The following SLCO1B3 variants were observed in gnomAD, a reference collection of about 807,000 sequenced individuals.
SLCO1B3 encodes the protein solute carrier organic anion transporter family member 1B3.
A neutral mutation model predicts 71.8 loss-of-function variants in SLCO1B3; 72 were observed. That is an observed-to-expected ratio of 1.00 (90% CI 0.83 to 1.22). The LOEUF (loss-of-function observed/expected upper bound fraction) is 1.22. Ranked by LOEUF, SLCO1B3 falls within the 50% of genes most tolerant of loss-of-function variation. SLCO1B3 has a pLI of 0.00. For synonymous variants in SLCO1B3, 298 were observed against 278.4 expected (o/e 1.07, Z -0.70); for missense variants, 911 against 819.7 (o/e 1.11, Z -1.36).
At chr12:20,884,009 A>G (rs1306204694) in intron 13 of SLCO1B3, among the ~76,000 whole-genome samples, 1 of 152,196 alleles carries the variant, frequency 6.6e-6, no homozygotes, top group African/African-American at 2.4e-5. Flanking sequence ...ACAAACTTCA[A>G]TTTGTAATGA....
At chr12:20,875,840 C>G (rs4149128) in intron 9 of SLCO1B3, among the ~76,000 whole-genome samples, 100,295 of 151,700 alleles carry the variant, frequency 0.66, 36,357 homozygotes, top group South Asian at 0.84. Context: ...TACCAGCCAT[C>G]ATACTATTCT....
Position 20,877,810 on chromosome 12 carries a change from C to A in SLCO1B3, c.1009C>A (p.Leu337Met). The A allele has an allele frequency of 6.4e-7, 1 of 1,554,938 alleles. No homozygotes were observed. Among genetic ancestry groups the A allele is most frequent in the South Asian group, 1.2e-5 (1 of 80,262 alleles). The part of the protein sequence containing the change: ...QSLKSILTNP[L>M]YVIFLLLTLL... ...TTTGAAAAGCATCCTTACCAATCCC[C>A]TGTATGTTATATTTCTGCTTTTGAC... Residue 337 changes from leucine (L) to methionine (M), a missense_variant, in exon 10 of 16, where the codon CTG becomes ATG. By Grantham distance (15) the Leu-to-Met change is conservative. Coordinates refer to ENST00000381545, the MANE Select transcript of SLCO1B3 (RefSeq NM_019844.4).
intron 13 of SLCO1B3, among the ~76,000 whole-genome samples, chr12:20,884,579 G>T (rs1865756056): frequency 6.6e-6 from 1 of 151,904 alleles, no homozygotes; most frequent in African/African-American, 2.4e-5. Flanking sequence ...AGAGTTGAGG[G>T]GAAGCAGATA....
chr12:20,878,306 A>G (rs540756831), intron 10 of SLCO1B3, among the ~76,000 whole-genome samples: 3 of 152,262 alleles, frequency 2.0e-5, no homozygotes, highest in South Asian at 2.1e-4. Context: ...TCTATAATTC[A>G]TGGACTGAAA....
intron 1 of SLCO1B3, among the ~76,000 whole-genome samples, chr12:20,812,500 GGAAGACATATACAT>G (rs1864125903): frequency 1.3e-5 from 2 of 152,262 alleles, no homozygotes; most frequent in South Asian, 4.1e-4. Flanking sequence ...TTCCAGGAAT[GGAAGACATATACAT>G]GAAGGTAGAG....
intron 8 of SLCO1B3, among the ~76,000 whole-genome samples, chr12:20,867,255 A>G (rs998131134): frequency 2.0e-5 from 3 of 152,176 alleles, no homozygotes; most frequent in Non-Finnish European, 4.4e-5. Context: ...TAGAGAGAAC[A>G]TTATAAAAGT....
At chr12:20,872,342 G>A (rs536423180) in intron 8 of SLCO1B3, among the ~76,000 whole-genome samples, 2 of 150,544 alleles carry the variant, frequency 1.3e-5, no homozygotes, top group Non-Finnish European at 3.0e-5. Flanking sequence ...CTTGCCTCTG[G>A]CCCAGGGCAG....
chr12:20,871,895 T>G (rs1865482286), intron 8 of SLCO1B3, among the ~76,000 whole-genome samples: 1 of 152,052 alleles, frequency 6.6e-6, no homozygotes, highest in African/African-American at 2.4e-5. Flanking sequence ...ACCATCTATG[T>G]TAACTCAAGA....
At chr12:20,915,001 T>C (rs1439261779) in intron 15 of SLCO1B3, among the ~76,000 whole-genome samples, 1 of 152,150 alleles carries the variant, frequency 6.6e-6, no homozygotes, top group Non-Finnish European at 1.5e-5. Flanking sequence ...CTGGCCTTTA[T>C]CCTTCTTGGT....
intron 3 of SLCO1B3, among the ~76,000 whole-genome samples, chr12:20,822,397 G>A (rs917156842): frequency 2.6e-4 from 40 of 152,238 alleles, no homozygotes; most frequent in African/African-American, 9.4e-4. Context: ...GTCACAAGGT[G>A]CTCGGTGGGG....
At position 20,829,625 on chromosome 12, in the gene SLCO1B3, G is replaced by A. The variant is rs964575742; in HGVS notation, c.84+13803G>A. Among the ~76,000 whole-genome samples, 3 of 152,196 alleles carry A rather than the reference G, an allele frequency of 2.0e-5. No homozygotes were observed. The South Asian group carries it at 6.2e-4, about 32-fold the overall frequency. ...GTCCCAATCCAGACCACAAGAGAGGGTTCTTGGATCTTGCTCAAGAAGGAA... is the reference window on the plus strand; with the variant it reads ...GTCCCAATCCAGACCACAAGAGAGGATTCTTGGATCTTGCTCAAGAAGGAA... On this transcript the variant is annotated intron_variant, in intron 3 of 15. Coordinates refer to ENST00000381545, the MANE Select transcript of SLCO1B3 (RefSeq NM_019844.4).
chr12:20,875,430 C>T lies in SLCO1B3; in HGVS notation c.923C>T (p.Thr308Ile), dbSNP rs1565598222. The T allele has an allele frequency of 1.2e-6, 2 of 1,604,502 alleles. No homozygotes were observed. The highest frequency in any genetic ancestry group is 1.7e-6 in the Non-Finnish European group (2 of 1,177,700). Residue 308 changes from threonine (T) to isoleucine (I), a missense_variant, in exon 9 of 16, where the codon ACA becomes ATA. Physicochemically the swap from Thr to Ile is moderately conservative, Grantham distance 89. Transcript: ENST00000381545. ...AAAACAAATGATGATAGAAATCAAA[C>T]AGCTAATTTGACCAACCAAGGAAAA... The part of the protein sequence containing the change: ...VLKTNDDRNQ[T>I]ANLTNQGKNV...
chr12:20,860,516 A>C (rs1460941552), intron 5 of SLCO1B3, among the ~76,000 whole-genome samples: 1 of 151,968 alleles, frequency 6.6e-6, no homozygotes, highest in East Asian at 1.9e-4. Flanking sequence ...ATCCAGCTCC[A>C]TCTCCGTTGT....
Position 20,916,118 on chromosome 12 carries a change from C to T in SLCO1B3, c.1980C>T (p.Asp660=), listed in dbSNP as rs773592598. 1.2e-6 allele frequency: 2 copies of T among 1,613,132 alleles called. No individual in the cohort carries two copies. Among genetic ancestry groups the T allele is most frequent in the Non-Finnish European group, 1.7e-6 (2 of 1,179,546 alleles). ...AAGGAAAAGATACCAAGGCATCGGA[C>T]AATGAAAGAAAAGTAATGGATGAAG... The part of the protein sequence containing the change: ...KFQGKDTKAS[D]NERKVMDEAN... The change falls in exon 16 of 16, where the codon GAC becomes GAT. Residue 660 remains aspartate (D), a synonymous_variant. Transcript: ENST00000381545.
chr12:20,870,436 A>G (rs1023852868), intron 8 of SLCO1B3, among the ~76,000 whole-genome samples: 8 of 152,122 alleles, frequency 5.3e-5, no homozygotes, highest in Non-Finnish European at 8.8e-5. Flanking sequence ...TCTTTCTCTA[A>G]GTTTTATTCT....
chr12:20,842,141 G>C (rs180867571), intron 3 of SLCO1B3, among the ~76,000 whole-genome samples: 4 of 152,144 alleles, frequency 2.6e-5, no homozygotes, highest in Admixed American at 2.6e-4. Flanking sequence ...TGATCCACCT[G>C]CCTTGGCCTC....
chr12:20,859,494 C>CCCG (rs766957082), intron 5 of SLCO1B3, among the ~76,000 whole-genome samples: 3 of 145,230 alleles, frequency 2.1e-5, no homozygotes, highest in Non-Finnish European at 3.1e-5. Flanking sequence ...TTTTTTTCCC[C>CCCG]CTCTACATTT....
At chr12:20,860,970 A>C in intron 5 of SLCO1B3, 47 bp from the exon 6 acceptor site, 4 of 1,505,864 alleles carry the variant, frequency 2.7e-6, no homozygotes, top group Non-Finnish European at 3.6e-6. Context: ...AAAACTGAAA[A>C]TATTCAGTAG....
At chr12:20,907,478 C>A (rs1866273259) in intron 15 of SLCO1B3, among the ~76,000 whole-genome samples, 1 of 124,880 alleles carries the variant, frequency 8.0e-6, no homozygotes, top group Admixed American at 8.9e-5. Context: ...CCTTCCCCTT[C>A]CCCTTCCTCT....
Sources: gnomAD v4.1 joint callset for allele counts (sites outside exome capture counted in the v4.1 genomes callset) on GRCh38, gnomAD v4.1.1 for gene constraint, MANE v1.5 for transcripts, NCBI Gene and HGNC (gene_info 2026-07-23, HGNC 2026-07-21) for gene names.